PSEN1: variants seen among roughly 807,000 people sequenced by gnomAD.
PSEN1 encodes presenilin 1, also known as presenilin-1.
Under a neutral mutation model 53.5 loss-of-function variants are expected in PSEN1, and 15 were observed. That is an observed-to-expected ratio of 0.28 (90% CI 0.19 to 0.43). The LOEUF is 0.43. Ranked by LOEUF, PSEN1 falls within the 20% of genes least tolerant of loss-of-function variation. The pLI, the probability that PSEN1 is intolerant of heterozygous loss-of-function variation, is 1.00. For missense variants in PSEN1, 387 were observed against 571.2 expected (o/e 0.68, Z 3.29); for synonymous variants, 208 against 209.8 (o/e 0.99, Z 0.08).
In PSEN1 at chr14:73,140,202, C is replaced by CTTT. The variant is rs35223948; in HGVS notation, c.-136+3643_-136+3645dup. Among the ~76,000 whole-genome samples, 85 of 73,042 alleles carry CTTT rather than the reference C, an allele frequency of 1.2e-3. 6 individuals are homozygous for CTTT. The highest frequency in any genetic ancestry group is 1.8e-3 in the Admixed American group (9 of 5,140). The allele number at this position is 73,042 out of a possible 152,430, so 47.9% of individuals were successfully genotyped here. On this transcript the variant is annotated intron_variant, in intron 1 of 11. Coordinates refer to ENST00000324501, the MANE Select transcript of PSEN1 (RefSeq NM_000021.4). ...AAAAGGTTTTTCTTTTTTTGCTATT[C>CTTT]TTTTTTTTTTTTTTTTTTTTTTTTT...
At chr14:73,146,286 C>G (rs536966268) in intron 1 of PSEN1, among the ~76,000 whole-genome samples, 1 of 150,200 alleles carries the variant, frequency 6.7e-6, no homozygotes, top group Admixed American at 6.7e-5. Flanking sequence ...TTCCTGGACT[C>G]AAGCCATCCC....
intron 5 of PSEN1, chr14:73,173,991 G>T: frequency 1.8e-6 from 1 of 564,622 alleles, no homozygotes; most frequent in Non-Finnish European, 3.1e-6. Flanking sequence ...CTCTATTAAA[G>T]AAAACAAAAA....
intron 1 of PSEN1, among the ~76,000 whole-genome samples, chr14:73,141,790 G>C (rs1010241346): frequency 6.6e-6 from 1 of 150,800 alleles, no homozygotes; most frequent in Non-Finnish European, 1.5e-5. Flanking sequence ...CATCTTGGCC[G>C]GGTGCCGTGG....
intron 3 of PSEN1, among the ~76,000 whole-genome samples, chr14:73,162,473 G>GGA (rs371588222): frequency 0.011 from 1,541 of 145,296 alleles, 22 homozygotes; most frequent in African/African-American, 0.034. Context: ...TCCATGAGAA[G>GGA]GAGAGAGAGA....
intron 7 of PSEN1, among the ~76,000 whole-genome samples, chr14:73,195,054 T>C (rs1898885167): frequency 6.6e-6 from 1 of 152,224 alleles, no homozygotes; most frequent in South Asian, 2.1e-4. Flanking sequence ...CTTTCATAAT[T>C]ACCTTATGTT....
chr14:73,154,266 A>G (rs564069007), intron 3 of PSEN1, among the ~76,000 whole-genome samples: 100 of 152,284 alleles, frequency 6.6e-4, no homozygotes, highest in Admixed American at 1.2e-3. Flanking sequence ...TTCTTTATAA[A>G]ATTACCTAAA....
chr14:73,190,750 G>A (rs928231696), intron 6 of PSEN1, among the ~76,000 whole-genome samples: 38 of 152,236 alleles, frequency 2.5e-4, no homozygotes, highest in African/African-American at 8.4e-4. Context: ...TCTAAAGAGG[G>A]GAACCATGGG....
chr14:73,192,706 A>G lies in PSEN1; in HGVS notation c.611A>G (p.Asn204Ser). 1 of 1,614,042 alleles carries G rather than the reference A, an allele frequency of 6.2e-7. No homozygotes were observed. The highest frequency in any genetic ancestry group is 8.5e-7 in the Non-Finnish European group (1 of 1,179,986). Residue 204 changes from asparagine (N) to serine (S), a missense_variant, in exon 7 of 12, where the codon AAT (asparagine) becomes AGT (serine). Physicochemically the swap from Asn to Ser is conservative, Grantham distance 46. Transcript: ENST00000324501. ...DYITVALLIWNFGVVGMISIH... is the reference protein window; with the variant it reads ...DYITVALLIWSFGVVGMISIH... The stretch of plus-strand genomic sequence containing the variant: ...ATTACTGTTGCACTCCTGATCTGGA[A>G]TTTTGGTGTGGTGGGAATGATTTCC...
rs913990692 is a variant in PSEN1, at chr14:73,161,424, G to A, written c.88-9373G>A. On this transcript the variant is annotated intron_variant, in intron 3 of 11. Transcript: ENST00000324501. ...TTAGCAATATTTTGTAAGTTTCATT[G>A]TACAGGATATTTGGGGATCTGTAAG... 2.0e-5 allele frequency among the ~76,000 whole-genome samples: 3 copies of A among 152,124 alleles called. No individual in the cohort carries two copies. The East Asian group carries it at 5.8e-4, about 29-fold the overall frequency.
At chr14:73,202,431 TATATATATATATATATATATATATATATA>T (rs1899235935) in intron 8 of PSEN1, among the ~76,000 whole-genome samples, 3 of 12,302 alleles carry the variant, frequency 2.4e-4, no homozygotes, top group Non-Finnish European at 4.9e-4. Flanking sequence ...TATATATATA[TATATATATATATATATATATATATATATA>T]TATTTTTTTT....
At chr14:73,157,878 C>T (rs977925955) in intron 3 of PSEN1, among the ~76,000 whole-genome samples, 3 of 151,864 alleles carry the variant, frequency 2.0e-5, no homozygotes, top group Non-Finnish European at 4.4e-5. Context: ...CTCAGCTCCT[C>T]AGGAGGCTGA....
At chr14:73,145,357 C>G (rs961587978) in intron 1 of PSEN1, among the ~76,000 whole-genome samples, 4 of 151,738 alleles carry the variant, frequency 2.6e-5, no homozygotes. Flanking sequence ...TTTTTTGAGA[C>G]AGGGTCTCAC....
At chr14:73,154,320 A>G (rs1355138594) in intron 3 of PSEN1, among the ~76,000 whole-genome samples, 1 of 152,114 alleles carries the variant, frequency 6.6e-6, no homozygotes, top group Non-Finnish European at 1.5e-5. Flanking sequence ...TTGCAGAGCT[A>G]GGTGTGGTGG....
intron 8 of PSEN1, among the ~76,000 whole-genome samples, chr14:73,199,378 G>T (rs1038407327): frequency 3.3e-5 from 5 of 152,184 alleles, no homozygotes; most frequent in Non-Finnish European, 7.3e-5. Flanking sequence ...GATACTACAG[G>T]AAGTAGAGGA....
At position 73,198,040 on chromosome 14, in the gene PSEN1, C is replaced by G; in HGVS notation, c.779C>G (p.Ala260Gly). 1 of 1,598,294 alleles carries G rather than the reference C, an allele frequency of 6.3e-7. No individual in the cohort carries two copies. The highest frequency in any genetic ancestry group is 8.6e-7 in the Non-Finnish European group (1 of 1,166,272). The stretch of plus-strand genomic sequence containing the variant: ...GTTTTTCTTTTTCTAGATTTAGTGG[C>G]TGTTTTGTGTCCGAAAGGTCCACTT... ...LAVISVYDLV[A>G]VLCPKGPLRM... Residue 260 changes from alanine to glycine, a missense_variant, in exon 8 of 12, where the codon GCT becomes GGT. Ala to Gly is a moderately conservative substitution (Grantham distance 60). Coordinates refer to ENST00000324501, the MANE Select transcript of PSEN1 (RefSeq NM_000021.4).
In PSEN1 at chr14:73,185,902, C is replaced by T. The variant is rs559193105; in HGVS notation, c.481-951C>T. The stretch of plus-strand genomic sequence containing the variant: ...ATAACAAAGACTAATGGATGAGGAG[C>T]TAGACAGAAATTTTATAAACCAAGT... On this transcript the variant is annotated intron_variant, in intron 5 of 11. Coordinates refer to ENST00000324501, the MANE Select transcript of PSEN1 (RefSeq NM_000021.4). 2.6e-5 allele frequency among the ~76,000 whole-genome samples: 4 copies of T among 152,198 alleles called. No individual in the cohort carries two copies. The East Asian group carries it at 5.8e-4, about 22-fold the overall frequency.
At chr14:73,219,066 A>T (rs1900043133) in intron 11 of PSEN1, 68 bp from the exon 12 acceptor site, 1 of 1,531,276 alleles carries the variant, frequency 6.5e-7, no homozygotes, top group African/African-American at 1.4e-5. Flanking sequence ...AAGACTTGTG[A>T]TTGAGTTTTG....
chr14:73,208,872 T>C (rs1278709388), intron 9 of PSEN1: 3 of 455,216 alleles, frequency 6.6e-6, no homozygotes, highest in African/African-American at 4.0e-5. Context: ...ATAGCTCCCA[T>C]GGCACCCAGG....
In PSEN1 at chr14:73,173,628, T is replaced by G. The variant is rs1595002439; in HGVS notation, c.401T>G (p.Leu134Arg). ...TVGQRALHSI[L>R]NAAIMISVIV... Reference sequence around the variant, plus strand: ...GGCCAGAGAGCCCTGCACTCAATTCTGAATGCTGCCATCATGATCAGTGTC... The same window carrying G: ...GGCCAGAGAGCCCTGCACTCAATTCGGAATGCTGCCATCATGATCAGTGTC... The change falls in exon 5 of 12, where the codon CTG becomes CGG. Residue 134 changes from leucine (L) to arginine (R), a missense_variant. Physicochemically the swap from Leu to Arg is moderately radical, Grantham distance 102 (BLOSUM62 -2). This residue lies in a region of PSEN1 where 169 missense variants were observed against 299.7 expected (regional missense o/e 0.56). Transcript: ENST00000324501. 6.2e-7 allele frequency: 1 copy of G among 1,613,892 alleles called. No individual in the cohort carries two copies. Among genetic ancestry groups the G allele is most frequent in the South Asian group, 1.1e-5 (1 of 91,074 alleles).
Sources: gnomAD v4.1 joint callset for allele counts (sites outside exome capture counted in the v4.1 genomes callset) on GRCh38, gnomAD v4.1.1 for gene constraint, gnomAD v4.1.1 regional missense constraint, MANE v1.5 for transcripts, NCBI Gene and HGNC (gene_info 2026-07-23, HGNC 2026-07-21) for gene names.